Variants in SPAST observed in about 807,000 individuals in gnomAD.
The protein encoded by SPAST is spastic paraplegia 4 (autosomal dominant; spastin).
In SPAST, 30 loss-of-function variants were observed where a neutral mutation model predicts 76.6. The observed-to-expected ratio is 0.39, with a 90% CI of 0.29 to 0.53. The LOEUF (loss-of-function observed/expected upper bound fraction) is 0.53. SPAST is among the 20% of genes least tolerant of loss of function. SPAST has a pLI of 0.68. For missense variants in SPAST, 717 were observed against 770.5 expected, an observed-to-expected ratio of 0.93 and a Z score of 0.82; for synonymous variants, 305 against 281.0, an observed-to-expected ratio of 1.09 and a Z score of -0.86.
intron 1 of SPAST, among the ~76,000 whole-genome samples, chr2:32,068,940 T>C (rs1676636154): frequency 6.6e-6 from 1 of 150,544 alleles, no homozygotes; most frequent in Non-Finnish European, 1.5e-5. Flanking sequence ...CCGGGTGCAG[T>C]GGCCCATGCC....
intron 1 of SPAST, among the ~76,000 whole-genome samples, chr2:32,068,448 A>G (rs912241085): frequency 1.5e-4 from 22 of 151,350 alleles, no homozygotes; most frequent in African/African-American, 4.9e-4. Flanking sequence ...CAGCCTCCCC[A>G]GTAACTGGGA....
At position 32,116,100 on chromosome 2, in the gene SPAST, C is replaced by T. The variant is rs1488101763; in HGVS notation, c.1005-19C>T. 1.3e-6 allele frequency: 2 copies of T among 1,574,154 alleles called. No individual in the cohort carries two copies. Among genetic ancestry groups the T allele is most frequent in the South Asian group, 2.2e-5 (2 of 90,250 alleles). ...GGCCCTGTTTGTATCGTAGAACTAA[C>T]TGAGGTCTTGTTTCTTAGTGGAACA... On this transcript the variant is annotated intron_variant, in intron 6 of 16. Transcript: ENST00000315285.
Position 32,108,435 on chromosome 2 carries a change from A to C in SPAST, c.683-6203A>C, listed in dbSNP as rs370239736. Among the ~76,000 whole-genome samples, 12 of 152,292 alleles carry C rather than the reference A, an allele frequency of 7.9e-5. 2 individuals are homozygous for C. The highest frequency in any genetic ancestry group is 2.9e-4 in the African/African-American group (12 of 41,554). On this transcript the variant is annotated intron_variant, in intron 4 of 16. Transcript: ENST00000315285. ...TTTTTTCTCTTACTTTCTGTGATGG[A>C]AACATTTTGTGCTTTGATTTTAATG...
At chr2:32,082,093 AGCG>A (rs1677257767) in intron 1 of SPAST, among the ~76,000 whole-genome samples, 1 of 139,050 alleles carries the variant, frequency 7.2e-6, no homozygotes, top group African/African-American at 2.7e-5. Flanking sequence ...GGGTTCAAGC[AGCG>A]ATTCTCCTGC....
intron 12 of SPAST, among the ~76,000 whole-genome samples, chr2:32,137,608 C>T (rs1425289275): frequency 1.3e-5 from 2 of 152,152 alleles, no homozygotes; most frequent in African/African-American, 4.8e-5. Context: ...TCTTGGGCAT[C>T]CTTTCCCAAG....
At chr2:32,087,620 A>T (rs373229525) in intron 2 of SPAST, 42 bp downstream of exon 2, 2 of 885,734 alleles carry the variant, frequency 2.3e-6, no homozygotes, top group Non-Finnish European at 3.6e-6. Context: ...ATTATGATAT[A>T]TTCACATGAT....
chr2:32,078,369 T>G (rs147412660), intron 1 of SPAST, among the ~76,000 whole-genome samples: 1 of 152,300 alleles, frequency 6.6e-6, no homozygotes, highest in Admixed American at 6.5e-5. Flanking sequence ...AGATGGAGTT[T>G]CTGGCCAAGC....
chr2:32,125,818 G>A (rs1211719690), intron 7 of SPAST, among the ~76,000 whole-genome samples: 1 of 151,954 alleles, frequency 6.6e-6, no homozygotes, highest in African/African-American at 2.4e-5. Flanking sequence ...TTTTTGAGAC[G>A]GAGTTTTGCT....
chr2:32,108,866 A>G (rs1467604916), intron 4 of SPAST, among the ~76,000 whole-genome samples: 3 of 144,854 alleles, frequency 2.1e-5, no homozygotes, highest in Admixed American at 7.3e-5. Context: ...CCCGGGTTCA[A>G]CCCATTCTCC....
chr2:32,083,893 C>T (rs1210888672), intron 1 of SPAST, among the ~76,000 whole-genome samples: 6 of 149,596 alleles, frequency 4.0e-5, no homozygotes, highest in Non-Finnish European at 7.4e-5. Flanking sequence ...ATTCTCCTGC[C>T]TCAGCTTCCT....
intron 3 of SPAST, among the ~76,000 whole-genome samples, chr2:32,094,232 T>G (rs1420746518): frequency 6.6e-6 from 1 of 152,208 alleles, no homozygotes; most frequent in Non-Finnish European, 1.5e-5. Context: ...TTTTTTCTTT[T>G]TTTTGAGACG....
intron 1 of SPAST, among the ~76,000 whole-genome samples, chr2:32,085,194 T>C (rs1183038475): frequency 1.4e-5 from 2 of 138,514 alleles, no homozygotes; most frequent in Non-Finnish European, 3.1e-5. Context: ...TAATTTCTTT[T>C]TCTTCTTCTT....
intron 1 of SPAST, among the ~76,000 whole-genome samples, chr2:32,073,753 A>C (rs1194457414): frequency 6.6e-6 from 1 of 152,216 alleles, no homozygotes; most frequent in Admixed American, 6.5e-5. Flanking sequence ...CATCATATAC[A>C]ATAAAACATC....
At chr2:32,097,751 T>C (rs1307908525) in intron 3 of SPAST, among the ~76,000 whole-genome samples, 1 of 149,798 alleles carries the variant, frequency 6.7e-6, no homozygotes, top group East Asian at 2.0e-4. Flanking sequence ...TGGAGTGCAG[T>C]GGCACAATCT....
intron 6 of SPAST, 106 bp from the exon 7 acceptor site, chr2:32,116,013 T>C (rs1678819515): frequency 2.1e-6 from 2 of 964,804 alleles, no homozygotes; most frequent in African/African-American, 3.3e-5. Context: ...AACTATAGTT[T>C]AACAGTTAAC....
intron 4 of SPAST, among the ~76,000 whole-genome samples, chr2:32,114,293 C>T (rs1381986983): frequency 2.6e-5 from 4 of 151,958 alleles, no homozygotes; most frequent in Non-Finnish European, 5.9e-5. Flanking sequence ...AACTGATGTC[C>T]CAGCTACTTG....
intron 7 of SPAST, among the ~76,000 whole-genome samples, chr2:32,119,931 A>G (rs1450901842): frequency 6.6e-6 from 1 of 151,520 alleles, no homozygotes; most frequent in East Asian, 1.9e-4. Flanking sequence ...TGCTGCTTAA[A>G]TGTGATTCTT....
intron 1 of SPAST, among the ~76,000 whole-genome samples, chr2:32,072,791 C>A (rs1573042803): frequency 6.6e-6 from 1 of 152,148 alleles, no homozygotes; most frequent in Non-Finnish European, 1.5e-5. Flanking sequence ...TGGTAATTTT[C>A]TTACACTGCT....
At chr2:32,106,232 A>T (rs778584248) in intron 4 of SPAST, among the ~76,000 whole-genome samples, 3 of 152,158 alleles carry the variant, frequency 2.0e-5, no homozygotes, top group Non-Finnish European at 4.4e-5. Context: ...GCAGTGAGCG[A>T]GGTTCCGTTG....
Sources: allele counts gnomAD v4.1 joint callset (sites outside exome capture counted in the v4.1 genomes callset), GRCh38; gene constraint gnomAD v4.1.1; transcripts MANE v1.5; gene names NCBI Gene and HGNC (gene_info 2026-07-23, HGNC 2026-07-21).